Variants in IGF2BP3 observed in about 807,000 individuals in gnomAD.
The protein encoded by IGF2BP3 is insulin like growth factor 2 mRNA binding protein 3.
In IGF2BP3, 9 loss-of-function variants were observed where a neutral mutation model predicts 73.8. The ratio of observed to expected loss-of-function variants is 0.12; its 90% confidence interval spans 0.07 to 0.21. The LOEUF (loss-of-function observed/expected upper bound fraction) is 0.21. Among genes scored for constraint, IGF2BP3 ranks in the 10% least tolerant of loss-of-function variants. The probability of loss-of-function intolerance (pLI) is 1.00; values close to 1 mark genes in which losing one functional copy is unlikely to be tolerated. For missense variants in IGF2BP3, 542 were observed against 714.0 expected (o/e 0.76, Z 2.75); for synonymous variants, 258 against 256.7 (o/e 1.01, Z -0.05).
Position 23,361,573 on chromosome 7 carries a change from A to G in IGF2BP3, c.362T>C (p.Val121Ala), listed in dbSNP as rs927892677. 8 of 1,613,140 alleles carry G rather than the reference A, an allele frequency of 5.0e-6. No homozygotes were observed. The African/African-American group carries it at 9.3e-5, about 19-fold the overall frequency. ...CTTACTGGAATAGGTTACATTTACA[A>G]CTGCAGTTTCCGAGTCAGTGTTCAC... ...EQVNTDSETA[V>A]VNVTYSSKDQ... Residue 121 changes from valine to alanine, a missense_variant, in exon 5 of 15, where the codon GTT (valine) becomes GCT (alanine). Coordinates refer to ENST00000258729, the MANE Select transcript of IGF2BP3 (RefSeq NM_006547.3).
intron 3 of IGF2BP3, 65 bp downstream of exon 3, chr7:23,418,711 T>C (rs1309298028): frequency 1.9e-6 from 2 of 1,062,404 alleles, no homozygotes; most frequent in African/African-American, 1.6e-5. Flanking sequence ...AGAAAAAGCT[T>C]TGAAAAAACT....
rs1314969033 is a variant in IGF2BP3 at position 23,312,847 on chromosome 7, A to C, written c.1529T>G (p.Val510Gly). The C allele has an allele frequency of 6.3e-7, 1 of 1,592,534 alleles. No homozygotes were observed. The highest frequency in any genetic ancestry group is 1.8e-5 in the Admixed American group (1 of 57,068). ...ACTTGACAAATTCTGAAGTTCATTC[A>C]CCTGAAAGAGATAAATATAAATCAC... ...GRVIGKGGKTVNELQNLSSAE... is the reference protein window; with the variant it reads ...GRVIGKGGKTGNELQNLSSAE... Residue 510 changes from valine (V) to glycine (G), a missense_variant and splice_region_variant, in exon 14 of 15, where the codon GTG (valine) becomes GGG (glycine). Transcript: ENST00000258729.
In IGF2BP3 at chr7:23,441,243, G is replaced by A. The variant is rs557214971; in HGVS notation, c.237-22419C>T. On this transcript the variant is annotated intron_variant, in intron 2 of 14. Transcript: ENST00000258729. ...GGCCAGGAGTTCAAGACCAGCCTGGGCAATATAGTGAGATCACATCTCTGC... is the reference window on the plus strand; with the variant it reads ...GGCCAGGAGTTCAAGACCAGCCTGGACAATATAGTGAGATCACATCTCTGC... Among the ~76,000 whole-genome samples, 28 of 152,122 alleles carry A rather than the reference G, an allele frequency of 1.8e-4. 1 individual carries two copies. In the South Asian group the frequency reaches 1.9e-3, roughly 10 times the overall value.
At chr7:23,337,125 T>C (rs1376106258) in intron 10 of IGF2BP3, among the ~76,000 whole-genome samples, 3 of 152,190 alleles carry the variant, frequency 2.0e-5, no homozygotes, top group African/African-American at 4.8e-5. Flanking sequence ...CTAAAAATAG[T>C]GAAGGCAAAG....
intron 5 of IGF2BP3, among the ~76,000 whole-genome samples, chr7:23,359,020 C>T (rs186250351): frequency 5.3e-5 from 8 of 152,270 alleles, no homozygotes; most frequent in East Asian, 3.9e-4. Flanking sequence ...AGACTACTTC[C>T]CTAATCAAAA....
intron 2 of IGF2BP3, among the ~76,000 whole-genome samples, chr7:23,429,329 T>C (rs988268681): frequency 8.5e-5 from 13 of 152,300 alleles, no homozygotes; most frequent in Middle Eastern, 3.4e-3. Flanking sequence ...TTATGTTTAT[T>C]TTCTCATTTA....
At chr7:23,447,028 C>A (rs1345078353) in intron 2 of IGF2BP3, among the ~76,000 whole-genome samples, 1 of 151,804 alleles carries the variant, frequency 6.6e-6, no homozygotes, top group African/African-American at 2.4e-5. Context: ...CATGGTGAAA[C>A]CTCATCTCTA....
In IGF2BP3 at chr7:23,345,840, C is replaced by G; in HGVS notation, c.941+100G>C. ...CCATGTGTAAGTACGGCAGCACAGG[C>G]TAGCTGAAGCAGCTGTAAAGTGGGA... On this transcript the variant is annotated intron_variant, in intron 8 of 14. Coordinates refer to ENST00000258729, the MANE Select transcript of IGF2BP3 (RefSeq NM_006547.3). 3.0e-6 allele frequency: 4 copies of G among 1,355,206 alleles called. No individual in the cohort carries two copies. The South Asian group carries it at 5.6e-5, about 19-fold the overall frequency. The allele number at this position is 1,355,206 out of a possible 1,614,324, so 83.9% of individuals were successfully genotyped here.
intron 3 of IGF2BP3, chr7:23,413,137 G>A (rs1584013255): frequency 6.6e-6 from 1 of 151,578 alleles, no homozygotes; most frequent in East Asian, 2.0e-4. Flanking sequence ...TGGGATTACA[G>A]GCGTGAGTCA....
chr7:23,399,176 C>T (rs541652714), intron 3 of IGF2BP3, among the ~76,000 whole-genome samples: 1 of 152,034 alleles, frequency 6.6e-6, no homozygotes, highest in Admixed American at 6.5e-5. Context: ...AATCCTTTCC[C>T]CATTTCTTGT....
At chr7:23,458,700 T>C (rs1304989706) in intron 2 of IGF2BP3, among the ~76,000 whole-genome samples, 12 of 152,192 alleles carry the variant, frequency 7.9e-5, no homozygotes, top group Admixed American at 7.9e-4. Context: ...AAAGTCTCAT[T>C]TTTCTGTCTT....
At chr7:23,335,799 C>G (rs533409418) in intron 10 of IGF2BP3, among the ~76,000 whole-genome samples, 1 of 152,320 alleles carries the variant, frequency 6.6e-6, no homozygotes, top group East Asian at 1.9e-4. Context: ...ACGCACTATG[C>G]CAATTCCAGC....
At chr7:23,395,736 G>C (rs576916062) in intron 3 of IGF2BP3, among the ~76,000 whole-genome samples, 43 of 152,184 alleles carry the variant, frequency 2.8e-4, no homozygotes, top group African/African-American at 9.9e-4. Flanking sequence ...GACCAGCCTG[G>C]CCAACATGGT....
intron 3 of IGF2BP3, chr7:23,362,610 A>T (rs566641736): frequency 5.3e-5 from 8 of 152,344 alleles, no homozygotes; most frequent in East Asian, 3.8e-4. Context: ...AGTTTATTAT[A>T]ATATCAACTG....
Position 23,441,574 on chromosome 7 carries a change from T to TAAAAAAAA in IGF2BP3, c.237-22758_237-22751dup, listed in dbSNP as rs769391858. On this transcript the variant is annotated intron_variant, in intron 2 of 14. Transcript: ENST00000258729. ...GGGACAAGAGTGAGACTCCATCTCT[T>TAAAAAAAA]AAAAAAAAAAAAAAAAAAAAAAAAA... Among the ~76,000 whole-genome samples, 50 of 56,948 alleles carry TAAAAAAAA rather than the reference T, an allele frequency of 8.8e-4. 1 individual carries two copies. Among genetic ancestry groups the TAAAAAAAA allele is most frequent in the Non-Finnish European group, 1.3e-3 (39 of 31,000 alleles). 37.4% of individuals were successfully genotyped at this position (56,948 alleles called of 152,430 possible). A position where few individuals can be genotyped will look rare whatever the true frequency, so the allele number is the denominator to read the frequency against.
intron 14 of IGF2BP3, 32 bp from the exon 15 acceptor site, chr7:23,312,492 T>TG (rs1368589429): frequency 4.8e-6 from 7 of 1,458,650 alleles, no homozygotes; most frequent in African/African-American, 1.4e-5. Context: ...AAATTCCACT[T>TG]GATCAAAAGC....
At chr7:23,345,377 C>T (rs1784804363) in intron 8 of IGF2BP3, among the ~76,000 whole-genome samples, 1 of 152,204 alleles carries the variant, frequency 6.6e-6, no homozygotes, top group South Asian at 2.1e-4. Flanking sequence ...ACTTCTGAGG[C>T]TATGTCATAA....
intron 3 of IGF2BP3, among the ~76,000 whole-genome samples, chr7:23,412,579 A>C (rs1284959854): frequency 6.6e-6 from 1 of 152,160 alleles, no homozygotes; most frequent in Admixed American, 6.5e-5. Flanking sequence ...CTGTTTCCCC[A>C]CACAGTAAAC....
chr7:23,461,049 T>C (rs112846656), intron 2 of IGF2BP3, among the ~76,000 whole-genome samples: 1,737 of 152,194 alleles, frequency 0.011, 15 homozygotes, highest in South Asian at 0.035. Context: ...AATTTGTAAA[T>C]CGTTCTCCTT....
Sources: gnomAD v4.1 joint callset for allele counts (sites outside exome capture counted in the v4.1 genomes callset) on GRCh38, gnomAD v4.1.1 for gene constraint, MANE v1.5 for transcripts, NCBI Gene and HGNC (gene_info 2026-07-23, HGNC 2026-07-21) for gene names.